The following CRIM1 variants were observed in gnomAD, a reference collection of about 807,000 sequenced individuals.
CRIM1 encodes the protein cysteine-rich motor neuron 1 protein.
In CRIM1, 32 loss-of-function variants were observed where a neutral mutation model predicts 116.4. The ratio of observed to expected loss-of-function variants is 0.27; its 90% CI spans 0.21 to 0.37. The LOEUF is 0.37. CRIM1 is among the 10% of genes least tolerant of loss of function. The pLI is 1.00. For synonymous variants in CRIM1, 590 were observed against 509.2 expected, an observed-to-expected ratio of 1.16 and a Z score of -2.13; for missense variants, 1,331 against 1,354.8, an observed-to-expected ratio of 0.98 and a Z score of 0.28.
At chr2:36,357,064 CG>C (rs1484356172) in intron 1 of CRIM1, among the ~76,000 whole-genome samples, 1 of 152,182 alleles carries the variant, frequency 6.6e-6, no homozygotes, top group Non-Finnish European at 1.5e-5. Flanking sequence ...ACGCCGGCCG[CG>C]AAAGTCCTTT....
chr2:36,468,693 G>C (rs1434734179), intron 5 of CRIM1, among the ~76,000 whole-genome samples: 1 of 152,182 alleles, frequency 6.6e-6, no homozygotes, highest in Non-Finnish European at 1.5e-5. Context: ...TCAGCCGTCA[G>C]CTGGAGCTGG....
intron 2 of CRIM1, among the ~76,000 whole-genome samples, chr2:36,439,799 C>T (rs1455539885): frequency 6.6e-6 from 1 of 152,156 alleles, no homozygotes; most frequent in Middle Eastern, 3.2e-3. Flanking sequence ...TAGCACATAT[C>T]ACCCTTTACT....
At chr2:36,504,423 T>C (rs1681239153) in intron 8 of CRIM1, among the ~76,000 whole-genome samples, 1 of 152,174 alleles carries the variant, frequency 6.6e-6, no homozygotes. Context: ...CACATTAGGA[T>C]TGAAATCAAA....
chr2:36,510,930 T>C (rs866642887), intron 9 of CRIM1, among the ~76,000 whole-genome samples: 14 of 149,312 alleles, frequency 9.4e-5, no homozygotes, highest in Non-Finnish European at 4.5e-5. Flanking sequence ...TTTCTTTTTT[T>C]TTTTTTTTTT....
At chr2:36,365,708 G>A (rs1669541972) in intron 1 of CRIM1, among the ~76,000 whole-genome samples, 1 of 151,862 alleles carries the variant, frequency 6.6e-6, no homozygotes, top group Non-Finnish European at 1.5e-5. Flanking sequence ...TCCCATTTTA[G>A]GAGAACAGAA....
At chr2:36,373,204 T>G (rs1027739991) in intron 1 of CRIM1, among the ~76,000 whole-genome samples, 3 of 152,180 alleles carry the variant, frequency 2.0e-5, no homozygotes, top group Admixed American at 2.0e-4. Flanking sequence ...CCCAGAACTG[T>G]TCTTGCTGAT....
chr2:36,542,891 A>G (rs934978761), intron 14 of CRIM1, among the ~76,000 whole-genome samples: 4 of 152,174 alleles, frequency 2.6e-5, no homozygotes, highest in African/African-American at 7.2e-5. Context: ...AGGACCTGTG[A>G]GAGTCAGCAC....
At chr2:36,433,382 G>T (rs1675048761) in intron 2 of CRIM1, among the ~76,000 whole-genome samples, 1 of 152,188 alleles carries the variant, frequency 6.6e-6, no homozygotes, top group African/African-American at 2.4e-5. Flanking sequence ...AGGCACGGTG[G>T]GGCCGATATA....
chr2:36,543,368 G>C (rs1054672585), intron 14 of CRIM1, among the ~76,000 whole-genome samples: 8 of 152,174 alleles, frequency 5.3e-5, no homozygotes, highest in African/African-American at 1.7e-4. Context: ...CTTTGAGACA[G>C]AAAACAATCA....
At chr2:36,397,140 G>A (rs891378027) in intron 2 of CRIM1, among the ~76,000 whole-genome samples, 6 of 152,150 alleles carry the variant, frequency 3.9e-5, no homozygotes, top group Non-Finnish European at 7.3e-5. Flanking sequence ...TGAGGAGTCT[G>A]CTAATTAGAA....
At chr2:36,435,971 A>G (rs1675281682) in intron 2 of CRIM1, among the ~76,000 whole-genome samples, 1 of 151,518 alleles carries the variant, frequency 6.6e-6, no homozygotes, top group East Asian at 1.9e-4. Context: ...GTGTAATCAG[A>G]CATAGAAGTT....
chr2:36,492,239 TTAAAA>T (rs1284533882), intron 7 of CRIM1, among the ~76,000 whole-genome samples: 6 of 152,206 alleles, frequency 3.9e-5, no homozygotes, highest in South Asian at 2.1e-4. Flanking sequence ...ACTGTTCATT[TTAAAA>T]TAAAATAAAC....
chr2:36,506,358 A>T (rs1681422371), intron 8 of CRIM1, among the ~76,000 whole-genome samples: 1 of 151,984 alleles, frequency 6.6e-6, no homozygotes, highest in South Asian at 2.1e-4. Flanking sequence ...ACTGGTTTTT[A>T]TTCCCCTCCT....
Position 36,404,889 on chromosome 2 carries a change from G to A in CRIM1, c.505+8102G>A, listed in dbSNP as rs577771059. Among the ~76,000 whole-genome samples, 20 of 152,198 alleles carry A rather than the reference G, an allele frequency of 1.3e-4. No individual in the cohort carries two copies. In the East Asian group the frequency reaches 3.9e-3, roughly 29 times the overall value. On this transcript the variant is annotated intron_variant, in intron 2 of 16. Coordinates refer to ENST00000280527, the MANE Select transcript of CRIM1 (RefSeq NM_016441.3). Reference sequence around the variant, plus strand: ...TATTTCAGTGCTACCTAAGGAAATGGTAATATCATGAGTTTTTTATTCCAT... The same window carrying A: ...TATTTCAGTGCTACCTAAGGAAATGATAATATCATGAGTTTTTTATTCCAT...
chr2:36,483,957 T>C (rs1679620197), intron 7 of CRIM1, among the ~76,000 whole-genome samples: 1 of 152,038 alleles, frequency 6.6e-6, no homozygotes. Context: ...TTTGAGAACA[T>C]AAGTAAGAGT....
rs148974828 is a variant in CRIM1, at chr2:36,487,279, C to T, written c.1372+7585C>T. Among the ~76,000 whole-genome samples the T allele has an allele frequency of 4.5e-3, 692 of 152,126 alleles. 9 individuals carry two copies. Among genetic ancestry groups the T allele is most frequent in the African/African-American group, 0.015 (641 of 41,490 alleles). On this transcript the variant is annotated intron_variant, in intron 7 of 16. Transcript: ENST00000280527. ...TCCTATGAAGCATGTTTGTTTATTC[C>T]CACCAACACAAGGTCCCGCCAGATA...
At chr2:36,475,985 T>A (rs903221799) in intron 5 of CRIM1, among the ~76,000 whole-genome samples, 1 of 152,074 alleles carries the variant, frequency 6.6e-6, no homozygotes, top group African/African-American at 2.4e-5. Context: ...TGCTAGTAAT[T>A]TTTTTTAAGA....
intron 7 of CRIM1, among the ~76,000 whole-genome samples, chr2:36,482,546 G>T (rs1679501350): frequency 6.6e-6 from 1 of 152,182 alleles, no homozygotes; most frequent in Non-Finnish European, 1.5e-5. Flanking sequence ...AATTTCAAAT[G>T]ATTTCAGAGT....
intron 12 of CRIM1, among the ~76,000 whole-genome samples, chr2:36,520,610 T>C (rs1007188335): frequency 4.6e-5 from 7 of 152,242 alleles, no homozygotes; most frequent in South Asian, 2.1e-4. Flanking sequence ...CTTCAACTTA[T>C]GCCTGCTGCC....
Sources: allele counts gnomAD v4.1 joint callset (sites outside exome capture counted in the v4.1 genomes callset), GRCh38; gene constraint gnomAD v4.1.1; transcripts MANE v1.5; gene names NCBI Gene and HGNC (gene_info 2026-07-23, HGNC 2026-07-21).